Variants in TMEM126A observed in about 807,000 individuals in gnomAD.
TMEM126A encodes the protein transmembrane protein 126A, also known as optic atrophy 7.
Under a neutral mutation model 18.3 loss-of-function variants are expected in TMEM126A, and 10 were observed. That is an observed-to-expected ratio of 0.55 (90% CI 0.34 to 0.93). The LOEUF is 0.93. TMEM126A is among the 40% of genes least tolerant of loss of function. TMEM126A has a pLI of 0.02. For missense variants in TMEM126A, 246 were observed against 230.2 expected (o/e 1.07, Z -0.44); for synonymous variants, 68 against 78.1 (o/e 0.87, Z 0.68).
chr11:85,650,834 C>T (rs921822098), intron 2 of TMEM126A, among the ~76,000 whole-genome samples: 5 of 151,966 alleles, frequency 3.3e-5, no homozygotes, highest in African/African-American at 1.2e-4. Context: ...CTTTGGGAGG[C>T]CAGGGTGGGC....
Position 85,650,349 on chromosome 11 carries a change from C to G in TMEM126A, c.86+8C>G, listed in dbSNP as rs780291202. On this transcript the variant is annotated splice_region_variant and intron_variant, in intron 2 of 4. Coordinates refer to ENST00000304511, the MANE Select transcript of TMEM126A (RefSeq NM_032273.4). ...GCTTCCAGAAGCAGAAAGGTAAGAT[C>G]CCTTCTTAATTTAAAAACACCTTTT... is the stretch of plus-strand genomic sequence containing the variant. 1.3e-6 allele frequency: 2 copies of G among 1,581,934 alleles called. No homozygotes were observed. Among genetic ancestry groups the G allele is most frequent in the Non-Finnish European group, 1.7e-6 (2 of 1,151,796 alleles).
chr11:85,652,344 A>T (rs1226990100), intron 2 of TMEM126A, among the ~76,000 whole-genome samples: 1 of 152,130 alleles, frequency 6.6e-6, no homozygotes, highest in Non-Finnish European at 1.5e-5. Context: ...CCTTGTTCCT[A>T]TTTTTTCTCT....
At chr11:85,649,667 T>C (rs948502975) in intron 1 of TMEM126A, among the ~76,000 whole-genome samples, 5 of 152,232 alleles carry the variant, frequency 3.3e-5, no homozygotes, top group Non-Finnish European at 4.4e-5. Context: ...TTGCCAATAA[T>C]TGGAATTGTC....
At chr11:85,653,606 G>C (rs1048498678) in intron 2 of TMEM126A, among the ~76,000 whole-genome samples, 1 of 152,186 alleles carries the variant, frequency 6.6e-6, no homozygotes. Context: ...TTGTTATAAA[G>C]TACCTAGCAT....
intron 2 of TMEM126A, among the ~76,000 whole-genome samples, chr11:85,651,857 G>C (rs188195269): frequency 3.9e-5 from 6 of 152,256 alleles, no homozygotes; most frequent in Admixed American, 3.9e-4. Flanking sequence ...TAGGGAAAGT[G>C]AGAAAGACTA....
At chr11:85,655,373 C>G (rs543990073) in intron 3 of TMEM126A, 1 of 470,524 alleles carries the variant, frequency 2.1e-6, no homozygotes, top group African/African-American at 2.0e-5. Context: ...AAGTTGAGAA[C>G]AAATTAGAGA....
rs147312342 is a variant in TMEM126A, at chr11:85,654,046, T to A, written c.87-17T>A. Reference sequence around the variant, plus strand: ...ACAATAATGCCAAAGAAAAGTTCTTTCTTCTCACCCTTTCAGGAATCTACT... The same window carrying A: ...ACAATAATGCCAAAGAAAAGTTCTTACTTCTCACCCTTTCAGGAATCTACT... On this transcript the variant is annotated splice_polypyrimidine_tract_variant and intron_variant, in intron 2 of 4. Transcript: ENST00000304511. 2.2e-5 allele frequency: 35 copies of A among 1,614,184 alleles called. No individual in the cohort carries two copies. The African/African-American group carries it at 3.7e-4, about 17-fold the overall frequency.
At chr11:85,654,022 C>CAA (rs1565800263) in intron 2 of TMEM126A, 41 bp from the exon 3 acceptor site, 1 of 1,607,848 alleles carries the variant, frequency 6.2e-7, no homozygotes, top group Admixed American at 1.7e-5. Flanking sequence ...CTCACACACA[C>CAA]AATAATGCCA....
chr11:85,650,693 A>C (rs1038335220), intron 2 of TMEM126A, among the ~76,000 whole-genome samples: 1 of 152,202 alleles, frequency 6.6e-6, no homozygotes, highest in Non-Finnish European at 1.5e-5. Context: ...CAGTATGCTT[A>C]CCAGTCTAAG....
chr11:85,648,166 A>G (rs1354366634), intron 1 of TMEM126A, 77 bp downstream of exon 1: 1 of 152,394 alleles, frequency 6.6e-6, no homozygotes, highest in Non-Finnish European at 1.5e-5. Flanking sequence ...CACGCTAGCT[A>G]CCAGCAGCGC....
At chr11:85,652,058 A>T (rs1260668205) in intron 2 of TMEM126A, among the ~76,000 whole-genome samples, 8 of 152,128 alleles carry the variant, frequency 5.3e-5, no homozygotes, top group African/African-American at 1.7e-4. Flanking sequence ...TACCCACTGG[A>T]GAAGCTGAGG....
intron 2 of TMEM126A, among the ~76,000 whole-genome samples, chr11:85,652,611 C>G (rs2082509245): frequency 6.6e-6 from 1 of 152,054 alleles, no homozygotes. Flanking sequence ...TTTTGGAAAA[C>G]TGGCAAGGGG....
chr11:85,650,885 A>T (rs1347910860), intron 2 of TMEM126A, among the ~76,000 whole-genome samples: 1 of 152,074 alleles, frequency 6.6e-6, no homozygotes, highest in Non-Finnish European at 1.5e-5. Context: ...CCTGGCCAAC[A>T]TGGTGAAACC....
intron 3 of TMEM126A, 154 bp from the exon 4 acceptor site, chr11:85,655,440 A>G (rs2082530764): frequency 1.6e-6 from 1 of 623,442 alleles, no homozygotes; most frequent in Admixed American, 2.8e-5. Context: ...AGTTACTCAT[A>G]GATGTAATTA....
intron 1 of TMEM126A, among the ~76,000 whole-genome samples, chr11:85,648,394 C>G (rs1220071998): frequency 6.6e-6 from 1 of 152,168 alleles, no homozygotes; most frequent in Non-Finnish European, 1.5e-5. Flanking sequence ...AGATAGGCCC[C>G]ACACTGCCTA....
chr11:85,654,234 T>TGTAA lies in TMEM126A; in HGVS notation c.261_264dup (p.Phe89LysfsTer8), dbSNP rs762733239. ...CAACAGACTTAACTTACAGATGTTTTGTAAGTTTTCCTTTGAATACAGGTA... is the reference window on the plus strand; with the variant it reads ...CAACAGACTTAACTTACAGATGTTTTGTAAGTAAGTTTTCCTTTGAATACAGGTA... On this transcript the variant is annotated frameshift_variant, in exon 3 of 5. Transcript: ENST00000304511. LOFTEE classifies it high-confidence loss of function. 2 of 1,614,084 alleles carry TGTAA rather than the reference T, an allele frequency of 1.2e-6. No homozygotes were observed. Among genetic ancestry groups the TGTAA allele is most frequent in the East Asian group, 4.5e-5 (2 of 44,894 alleles).
chr11:85,654,019 A>G, intron 2 of TMEM126A, 44 bp from the exon 3 acceptor site: 2 of 1,606,482 alleles, frequency 1.2e-6, no homozygotes, highest in Non-Finnish European at 1.7e-6. Flanking sequence ...AAGCTCACAC[A>G]CACAATAATG....
rs2082541227 is a variant in TMEM126A at position 85,656,474 on chromosome 11, A to T, written c.561A>T (p.Leu187Phe). The change falls in exon 5 of 5, where the codon TTA becomes TTT. Residue 187 changes from leucine (L) to phenylalanine (F), a missense_variant. Transcript: ENST00000304511. ...AACTACTTATAAAGGCCCTTCAGTTATCTGAACCTGGCAAAGAAATTCACT... is the reference window on the plus strand; with the variant it reads ...AACTACTTATAAAGGCCCTTCAGTTTTCTGAACCTGGCAAAGAAATTCACT... ...QYKLLIKALQ[L>F]SEPGKEIH 6 of 1,613,168 alleles carry T rather than the reference A, an allele frequency of 3.7e-6. No individual in the cohort carries two copies. The highest frequency in any genetic ancestry group is 5.1e-6 in the Non-Finnish European group (6 of 1,179,524).
At chr11:85,654,032 A>G (rs1025062278) in intron 2 of TMEM126A, 31 bp from the exon 3 acceptor site, 1 of 1,611,772 alleles carries the variant, frequency 6.2e-7, no homozygotes, top group African/African-American at 1.3e-5. Context: ...CAATAATGCC[A>G]AAGAAAAGTT....
Sources: allele counts gnomAD v4.1 joint callset (sites outside exome capture counted in the v4.1 genomes callset), GRCh38; gene constraint gnomAD v4.1.1; transcripts MANE v1.5; gene names NCBI Gene and HGNC (gene_info 2026-07-23, HGNC 2026-07-21).